Variants in FRMD3 observed in about 807,000 individuals in gnomAD.
The protein encoded by FRMD3 is FERM domain-containing protein 3.
Under a neutral mutation model 70.2 loss-of-function variants are expected in FRMD3, and 33 were observed. The ratio of observed to expected loss-of-function variants is 0.47; its 90% CI spans 0.36 to 0.63. FRMD3 has a LOEUF of 0.63. FRMD3 is among the 20% of genes least tolerant of loss of function. The pLI is 0.00. For synonymous variants in FRMD3, 279 were observed against 255.9 expected (o/e 1.09, Z -0.86); for missense variants, 632 against 711.4 (o/e 0.89, Z 1.27).
At chr9:83,348,846 G>T (rs1022806603) in intron 4 of FRMD3, among the ~76,000 whole-genome samples, 2 of 152,080 alleles carry the variant, frequency 1.3e-5, no homozygotes, top group African/African-American at 4.8e-5. Context: ...TGCCACTAAT[G>T]GTCAAGCTTA....
rs1412911004 is a variant in FRMD3, at chr9:83,357,131, T to TTA, written c.296-7376_296-7375dup. ...CCATCATGGTAATATATATATTACATTATATATATTATGTATATATATAAC... is the reference window on the plus strand; with the variant it reads ...CCATCATGGTAATATATATATTACATTATATATATATTATGTATATATATAAC... On this transcript the variant is annotated intron_variant, in intron 3 of 13. Transcript: ENST00000304195. Among the ~76,000 whole-genome samples the TTA allele has an allele frequency of 3.5e-5, 5 of 143,612 alleles. No homozygotes were observed. In the South Asian group the frequency reaches 8.7e-4, roughly 25 times the overall value. 94.2% of individuals were successfully genotyped at this position (143,612 alleles called of 152,430 possible).
At chr9:83,390,648 A>G (rs565750362) in intron 1 of FRMD3, among the ~76,000 whole-genome samples, 1 of 152,314 alleles carries the variant, frequency 6.6e-6, no homozygotes, top group South Asian at 2.1e-4. Flanking sequence ...GCCAAATCTG[A>G]TTAACATAAA....
chr9:83,580,259 A>C, the FRMD3 span, among the ~76,000 whole-genome samples: 3 of 152,136 alleles, frequency 2.0e-5, no homozygotes, highest in Admixed American at 6.5e-5. Flanking sequence ...AACTCTGTAC[A>C]ATCCGGTACT....
intron 6 of FRMD3, among the ~76,000 whole-genome samples, chr9:83,323,890 A>C (rs888425420): frequency 2.0e-5 from 3 of 152,198 alleles, no homozygotes; most frequent in Non-Finnish European, 4.4e-5. Context: ...CCTAACTGCC[A>C]TTTCCTAGAA....
At chr9:83,281,488 T>C (rs186307827) in intron 13 of FRMD3, 15 of 152,326 alleles carry the variant, frequency 9.8e-5, no homozygotes, top group African/African-American at 3.1e-4. Flanking sequence ...ACTCATTTTT[T>C]CACCCTAGCC....
intron 7 of FRMD3, among the ~76,000 whole-genome samples, chr9:83,312,794 T>C (rs2031260): frequency 0.19 from 26,162 of 138,580 alleles, 2,315 homozygotes; most frequent in South Asian, 0.25. Flanking sequence ...CAGCAGATCC[T>C]GACGTAATTG....
intron 6 of FRMD3, among the ~76,000 whole-genome samples, chr9:83,319,028 T>C (rs899275614): frequency 2.4e-4 from 37 of 152,060 alleles, no homozygotes; most frequent in African/African-American, 8.0e-4. Context: ...TTGAGTTCCA[T>C]GTAAATTCCA....
chr9:83,336,360 G>A (rs114710164), intron 5 of FRMD3, among the ~76,000 whole-genome samples: 8 of 150,660 alleles, frequency 5.3e-5, no homozygotes, highest in African/African-American at 1.5e-4. Context: ...TAATGCCCCC[G>A]CCCCAGTATT....
the FRMD3 span, among the ~76,000 whole-genome samples, chr9:83,566,112 G>T: frequency 2.6e-5 from 4 of 152,192 alleles, no homozygotes; most frequent in African/African-American, 7.2e-5. Flanking sequence ...AGAAGAAAAA[G>T]AAGTTTAATT....
At chr9:83,492,370 TC>T (rs1273050250) in intron 1 of FRMD3, among the ~76,000 whole-genome samples, 2 of 109,252 alleles carry the variant, frequency 1.8e-5, no homozygotes, top group African/African-American at 8.0e-5. Flanking sequence ...AAAAGAAAAC[TC>T]GTCTTATTGG....
chr9:83,512,356 A>G (rs1829356528), intron 1 of FRMD3, among the ~76,000 whole-genome samples: 1 of 152,196 alleles, frequency 6.6e-6, no homozygotes, highest in South Asian at 2.1e-4. Flanking sequence ...GAAGACAGAA[A>G]ACAAACAGGC....
chr9:83,362,880 CTCCCTCCTTCCT>C (rs1824650062), intron 3 of FRMD3, among the ~76,000 whole-genome samples: 1 of 116,332 alleles, frequency 8.6e-6, no homozygotes, highest in East Asian at 3.6e-4. Flanking sequence ...CCTTCCTTCC[CTCCCTCCTTCCT>C]TCCCTCCTTC....
At chr9:83,248,658 G>C in intron 13 of FRMD3, 142 bp from the exon 14 acceptor site, 2 of 919,728 alleles carry the variant, frequency 2.2e-6, no homozygotes, top group Non-Finnish European at 3.2e-6. Flanking sequence ...TTGTAACAAA[G>C]TCGTATTATA....
At chr9:83,506,282 G>A (rs556713415) in intron 1 of FRMD3, among the ~76,000 whole-genome samples, 1 of 152,116 alleles carries the variant, frequency 6.6e-6, no homozygotes, top group Non-Finnish European at 1.5e-5. Flanking sequence ...ATGTTTTAAA[G>A]AAACCAAATA....
At chr9:83,552,324 G>A in the FRMD3 span, among the ~76,000 whole-genome samples, 1 of 152,054 alleles carries the variant, frequency 6.6e-6, no homozygotes, top group South Asian at 2.1e-4. Flanking sequence ...TTATTGTACT[G>A]TGGTCTGACA....
At chr9:83,443,540 T>G (rs763346308) in intron 1 of FRMD3, among the ~76,000 whole-genome samples, 18 of 152,254 alleles carry the variant, frequency 1.2e-4, no homozygotes, top group South Asian at 2.1e-4. Flanking sequence ...CAGTCTGTCA[T>G]TGATGGACAT....
chr9:83,497,875 C>T (rs148878552), intron 1 of FRMD3, among the ~76,000 whole-genome samples: 2 of 152,178 alleles, frequency 1.3e-5, no homozygotes, highest in South Asian at 2.1e-4. Context: ...TGGCCAGGAG[C>T]GATAGCTCAT....
the FRMD3 span, among the ~76,000 whole-genome samples, chr9:83,584,361 T>TCTCCTC: frequency 2.6e-5 from 4 of 151,544 alleles, no homozygotes; most frequent in Non-Finnish European, 4.4e-5. Context: ...CCCCCGATTA[T>TCTCCTC]CTCCTCCTCC....
intron 6 of FRMD3, among the ~76,000 whole-genome samples, chr9:83,332,402 C>G (rs1823413164): frequency 6.6e-6 from 1 of 151,858 alleles, no homozygotes; most frequent in South Asian, 2.1e-4. Flanking sequence ...CTCTCTCCCC[C>G]CACCATCCCC....
Sources: gnomAD v4.1 joint callset for allele counts (sites outside exome capture counted in the v4.1 genomes callset) on GRCh38, gnomAD v4.1.1 for gene constraint, MANE v1.5 for transcripts, NCBI Gene and HGNC (gene_info 2026-07-23, HGNC 2026-07-21) for gene names.